Variants in KIAA1328 observed in about 807,000 individuals in gnomAD.
KIAA1328 encodes protein hinderin.
KIAA1328 carries 52 observed loss-of-function variants against 68.1 expected under a neutral mutation model. The observed-to-expected ratio is 0.76, with a 90% CI of 0.61 to 0.96. The LOEUF is 0.96. Among genes scored for constraint, KIAA1328 ranks in the 40% least tolerant of loss-of-function variants. The pLI is 0.00. For synonymous variants in KIAA1328, 232 were observed against 239.4 expected, an observed-to-expected ratio of 0.97 and a Z score of 0.28; for missense variants, 641 against 677.6, an observed-to-expected ratio of 0.95 and a Z score of 0.60.
intron 7 of KIAA1328, among the ~76,000 whole-genome samples, chr18:37,117,512 AG>A (rs1186907130): frequency 1.3e-5 from 2 of 152,120 alleles, no homozygotes; most frequent in Middle Eastern, 3.2e-3. Context: ...GGGAGGGAGG[AG>A]GGATAGCATT....
intron 3 of KIAA1328, among the ~76,000 whole-genome samples, chr18:36,843,427 T>C (rs745614456): frequency 1.4e-4 from 21 of 152,204 alleles, no homozygotes; most frequent in Non-Finnish European, 2.6e-4. Context: ...TCCTTCCTTT[T>C]ACATGTTACC....
At chr18:37,100,592 G>A (rs992278744) in intron 7 of KIAA1328, among the ~76,000 whole-genome samples, 12 of 152,216 alleles carry the variant, frequency 7.9e-5, no homozygotes, top group African/African-American at 2.7e-4. Context: ...CCACCTCTGG[G>A]GGCAGGGCAT....
intron 8 of KIAA1328, among the ~76,000 whole-genome samples, chr18:37,162,018 A>G (rs1219597612): frequency 6.6e-6 from 1 of 152,244 alleles, no homozygotes; most frequent in Non-Finnish European, 1.5e-5. Flanking sequence ...AATTTGAAAC[A>G]AAATCATTTT....
rs564137032 is a variant in KIAA1328, at chr18:37,144,664, G to A, written c.1233-15536G>A. 7.2e-5 allele frequency among the ~76,000 whole-genome samples: 11 copies of A among 151,970 alleles called. No homozygotes were observed. The South Asian group carries it at 2.3e-3, about 32-fold the overall frequency. ...CCACCTCAGCCTCCTGAGTAGCTGGGACTACAGGCAAACACCACCACACCC... is the reference window on the plus strand; with the variant it reads ...CCACCTCAGCCTCCTGAGTAGCTGGAACTACAGGCAAACACCACCACACCC... On this transcript the variant is annotated intron_variant, in intron 7 of 9. Transcript: ENST00000280020.
At chr18:37,025,910 C>T (rs1185999215) in intron 6 of KIAA1328, among the ~76,000 whole-genome samples, 1 of 152,098 alleles carries the variant, frequency 6.6e-6, no homozygotes, top group Admixed American at 6.6e-5. Flanking sequence ...ACAAAAAACC[C>T]TTCAAAAAAT....
chr18:37,007,956 T>C (rs867181864), intron 6 of KIAA1328, among the ~76,000 whole-genome samples: 5 of 152,236 alleles, frequency 3.3e-5, no homozygotes, highest in Non-Finnish European at 5.9e-5. Flanking sequence ...TTTTTTCTTA[T>C]GGTTTTGCCT....
intron 7 of KIAA1328, among the ~76,000 whole-genome samples, chr18:37,155,408 G>A (rs1396053415): frequency 6.6e-6 from 1 of 152,050 alleles, no homozygotes; most frequent in Non-Finnish European, 1.5e-5. Context: ...ATCCTCCTCT[G>A]TATTGCTTAT....
intron 5 of KIAA1328, among the ~76,000 whole-genome samples, chr18:36,935,055 A>T (rs2050451106): frequency 6.6e-6 from 1 of 152,254 alleles, no homozygotes; most frequent in Non-Finnish European, 1.5e-5. Flanking sequence ...TGGGAAAGTT[A>T]CAGCTATAGT....
intron 7 of KIAA1328, among the ~76,000 whole-genome samples, chr18:37,118,876 A>G (rs906633239): frequency 2.6e-5 from 4 of 152,118 alleles, no homozygotes; most frequent in Non-Finnish European, 4.4e-5. Flanking sequence ...ATATTAGACA[A>G]TGATTTAGAG....
intron 4 of KIAA1328, among the ~76,000 whole-genome samples, chr18:36,878,175 C>T (rs1042006357): frequency 6.6e-6 from 1 of 152,108 alleles, no homozygotes; most frequent in African/African-American, 2.4e-5. Flanking sequence ...TTTTTCCTTT[C>T]CATATTTAGT....
intron 3 of KIAA1328, among the ~76,000 whole-genome samples, chr18:36,836,737 G>A (rs191382897): frequency 1.7e-4 from 26 of 151,956 alleles, no homozygotes; most frequent in Admixed American, 1.3e-4. Flanking sequence ...ATCTAGTTTC[G>A]AAACATTTTT....
downstream of KIAA1328, among the ~76,000 whole-genome samples, chr18:37,227,961 G>A (rs1464815304): frequency 2.0e-5 from 3 of 152,114 alleles, no homozygotes; most frequent in South Asian, 6.2e-4. Flanking sequence ...TGATTCATGG[G>A]AGAAGGTCAA....
At chr18:37,221,592 C>T (rs1294304350) in intron 9 of KIAA1328, among the ~76,000 whole-genome samples, 4 of 152,132 alleles carry the variant, frequency 2.6e-5, no homozygotes, top group East Asian at 1.9e-4. Context: ...CTTTAATTTC[C>T]GCATGTTTAT....
intron 5 of KIAA1328, among the ~76,000 whole-genome samples, chr18:36,940,738 C>T (rs1356657856): frequency 7.7e-5 from 11 of 142,316 alleles, no homozygotes; most frequent in Admixed American, 6.7e-4. Context: ...TGCAGTGGTG[C>T]GAACTCGGCT....
intron 7 of KIAA1328, among the ~76,000 whole-genome samples, chr18:37,117,499 TG>T (rs1323483480): frequency 2.0e-5 from 3 of 152,074 alleles, no homozygotes; most frequent in East Asian, 1.9e-4. Context: ...GTCATGGGAT[TG>T]GGGGAGGGAG....
chr18:37,019,227 C>T (rs1299515965), intron 6 of KIAA1328, among the ~76,000 whole-genome samples: 2 of 151,518 alleles, frequency 1.3e-5, no homozygotes, highest in Non-Finnish European at 2.9e-5. Context: ...TTTGGCTTTG[C>T]TTCAGTAGCC....
intron 5 of KIAA1328, among the ~76,000 whole-genome samples, chr18:36,907,334 A>C (rs1165059733): frequency 6.6e-6 from 1 of 152,038 alleles, no homozygotes; most frequent in Non-Finnish European, 1.5e-5. Flanking sequence ...GTTGAGTAAA[A>C]GCTGTGGTAA....
intron 7 of KIAA1328, among the ~76,000 whole-genome samples, chr18:37,078,578 C>T (rs1242156553): frequency 6.8e-6 from 1 of 146,814 alleles, no homozygotes; most frequent in African/African-American, 2.5e-5. Flanking sequence ...ACAACCTACT[C>T]ATCTGACAAA....
intron 5 of KIAA1328, among the ~76,000 whole-genome samples, chr18:36,912,041 T>G (rs1253282652): frequency 1.3e-5 from 2 of 152,202 alleles, no homozygotes; most frequent in Non-Finnish European, 2.9e-5. Flanking sequence ...ATTCTTTAGT[T>G]GATTATTGCT....
Sources: allele counts gnomAD v4.1 joint callset (sites outside exome capture counted in the v4.1 genomes callset), GRCh38; gene constraint gnomAD v4.1.1; transcripts MANE v1.5; gene names NCBI Gene and HGNC (gene_info 2026-07-23, HGNC 2026-07-21).